Variants in AFAP1L1 observed in about 807,000 individuals in gnomAD.
AFAP1L1 encodes the protein actin filament-associated protein 1-like 1.
In AFAP1L1, 77 loss-of-function variants were observed where a neutral mutation model predicts 99.8. The observed-to-expected ratio is 0.77, with a 90% confidence interval of 0.64 to 0.93. The LOEUF is 0.93. AFAP1L1 is among the 40% of genes least tolerant of loss of function. The pLI is 0.00. For synonymous variants in AFAP1L1, 373 were observed against 395.3 expected (o/e 0.94, Z 0.67); for missense variants, 893 against 996.8 (o/e 0.90, Z 1.40).
intron 1 of AFAP1L1, among the ~76,000 whole-genome samples, chr5:149,295,919 A>G (rs1561665810): frequency 6.6e-6 from 1 of 152,216 alleles, no homozygotes; most frequent in Non-Finnish European, 1.5e-5. Flanking sequence ...GGTAACTTTG[A>G]AGGCTAGTGG....
At chr5:149,307,858 T>TCTCTCTCTCTCTA in intron 7 of AFAP1L1, among the ~76,000 whole-genome samples, 1 of 11,200 alleles carries the variant, frequency 8.9e-5, no homozygotes, top group Non-Finnish European at 2.4e-4. Flanking sequence ...CTCTCTCTCT[T>TCTCTCTCTCTCTA]AAATTTAAAG....
At position 149,322,598 on chromosome 5, in the gene AFAP1L1, C is replaced by T. The variant is rs1185332419; in HGVS notation, c.1699-8C>T. 9.0e-6 allele frequency: 14 copies of T among 1,560,306 alleles called. No homozygotes were observed. Among genetic ancestry groups the T allele is most frequent in the South Asian group, 8.3e-5 (7 of 84,724 alleles). ...TGAACTTGACTGTCTTCCTCCATCT[C>T]CCACCAGGACGAGGAGCCCGAGCGC... On this transcript the variant is annotated splice_region_variant and splice_polypyrimidine_tract_variant and intron_variant, in intron 14 of 18. Transcript: ENST00000296721.
Position 149,332,811 on chromosome 5 carries a change from C to T in AFAP1L1, c.2092C>T (p.Gln698Ter). The T allele has an allele frequency of 1.9e-6, 3 of 1,612,786 alleles. No homozygotes were observed. The highest frequency in any genetic ancestry group is 2.5e-6 in the Non-Finnish European group (3 of 1,179,868). Reference protein sequence around the residue: ...LKLVAVKERLQQSLAGGPALG... With the variant: ...LKLVAVKERL ...GCTGGTGGCTGTGAAGGAGCGCTTG[C>T]AGCAGTCCCTGGCAGGAGGGCCAGC... The change falls in exon 17 of 19, where the codon CAG (glutamine) becomes TAG (stop). Residue 698 changes from glutamine to a stop codon, truncating the protein, a stop_gained. Coordinates refer to ENST00000296721, the MANE Select transcript of AFAP1L1 (RefSeq NM_152406.4). LOFTEE classifies it high-confidence loss of function.
intron 1 of AFAP1L1, among the ~76,000 whole-genome samples, chr5:149,289,329 A>G (rs1463311754): frequency 6.6e-6 from 1 of 152,174 alleles, no homozygotes; most frequent in Non-Finnish European, 1.5e-5. Flanking sequence ...GTTTCCTGCA[A>G]TCGCTGTAAT....
Position 149,317,845 on chromosome 5 carries a change from G to T in AFAP1L1, c.1384G>T (p.Ala462Ser). The change falls in exon 12 of 19, where the codon GCC becomes TCC. Residue 462 changes from alanine (A) to serine (S), a missense_variant. Ala to Ser is a moderately conservative substitution (Grantham distance 99). Transcript: ENST00000296721. ...MDLRTHVNAI[A>S]LQGCEVAPGF... is the part of the protein sequence containing the mutation. ...CCTGCGAACCCATGTGAACGCCATC[G>T]CCCTGCAAGGCTGTGAGGTGGCCCC... 6.2e-7 allele frequency: 1 copy of T among 1,609,730 alleles called. No homozygotes were observed. The highest frequency in any genetic ancestry group is 1.1e-5 in the South Asian group (1 of 89,962).
Position 149,310,036 on chromosome 5 carries a change from C to T in AFAP1L1, c.828C>T (p.Asp276=). The stretch of plus-strand genomic sequence containing the variant: ...GCAGCATCATCTACGTGCCCAAGGA[C>T]AGCCGGCACAAGAGGCACGAGCTGC... ...DTCSIIYVPK[D]SRHKRHELRF... is the part of the protein sequence containing the mutation. The change falls in exon 8 of 19, where the codon GAC becomes GAT. Residue 276 remains aspartate, a synonymous_variant. Coordinates refer to ENST00000296721, the MANE Select transcript of AFAP1L1 (RefSeq NM_152406.4). 1.2e-6 allele frequency: 2 copies of T among 1,614,238 alleles called. No homozygotes were observed. Among genetic ancestry groups the T allele is most frequent in the Middle Eastern group, 1.6e-4 (1 of 6,062 alleles).
intron 1 of AFAP1L1, among the ~76,000 whole-genome samples, chr5:149,277,726 C>T (rs1268226004): frequency 6.6e-6 from 1 of 152,180 alleles, no homozygotes; most frequent in Non-Finnish European, 1.5e-5. Context: ...TTGACTGCAA[C>T]TTTTTGTATG....
chr5:149,288,859 G>T (rs191549274), intron 1 of AFAP1L1, among the ~76,000 whole-genome samples: 7 of 152,272 alleles, frequency 4.6e-5, no homozygotes, highest in Non-Finnish European at 7.4e-5. Context: ...ACAAGAACCT[G>T]GGCAGAGCTG....
chr5:149,317,211 G>T (rs553622534), intron 11 of AFAP1L1, among the ~76,000 whole-genome samples: 1 of 152,166 alleles, frequency 6.6e-6, no homozygotes, highest in Non-Finnish European at 1.5e-5. Context: ...GAAATATTTT[G>T]TAATTAGTGA....
At chr5:149,317,977 C>A in intron 12 of AFAP1L1, 37 bp downstream of exon 12, 2 of 1,544,986 alleles carry the variant, frequency 1.3e-6, no homozygotes, top group South Asian at 1.2e-5. Flanking sequence ...GGCTCTTGGT[C>A]TGGGGACTCT....
intron 14 of AFAP1L1, among the ~76,000 whole-genome samples, chr5:149,321,407 G>A (rs1179922709): frequency 1.3e-5 from 2 of 152,152 alleles, no homozygotes; most frequent in Non-Finnish European, 2.9e-5. Context: ...ATAACTGCAA[G>A]AATTAAATAA....
In AFAP1L1 at chr5:149,307,394, G is replaced by T. The variant is rs186395299; in HGVS notation, c.536-8G>T. On this transcript the variant is annotated splice_polypyrimidine_tract_variant and splice_region_variant and intron_variant, in intron 6 of 18. Coordinates refer to ENST00000296721, the MANE Select transcript of AFAP1L1 (RefSeq NM_152406.4). ...ACAGTGATGGATCCTTTCCCGTGACGCCTGCAGATAATGACTCTGACGCAA... is the reference window on the plus strand; with the variant it reads ...ACAGTGATGGATCCTTTCCCGTGACTCCTGCAGATAATGACTCTGACGCAA... The T allele has an allele frequency of 6.2e-7, 1 of 1,613,920 alleles. No homozygotes were observed. Among genetic ancestry groups the T allele is most frequent in the Non-Finnish European group, 8.5e-7 (1 of 1,179,900 alleles).
chr5:149,319,824 G>A, intron 13 of AFAP1L1, 97 bp downstream of exon 13: 1 of 1,510,814 alleles, frequency 6.6e-7, no homozygotes. Context: ...GGAGGGAAGG[G>A]AGGAGCTAAG....
chr5:149,315,408 T>G (rs1361280673), intron 9 of AFAP1L1, among the ~76,000 whole-genome samples: 1 of 152,196 alleles, frequency 6.6e-6, no homozygotes, highest in Non-Finnish European at 1.5e-5. Context: ...GACATTCTTT[T>G]AAGTGGCTCT....
At position 149,320,325 on chromosome 5, in the gene AFAP1L1, C is replaced by A; in HGVS notation, c.1626-66C>A. On this transcript the variant is annotated intron_variant, in intron 13 of 18. Coordinates refer to ENST00000296721, the MANE Select transcript of AFAP1L1 (RefSeq NM_152406.4). The surrounding 1 kb of genome is among the most constrained non-coding windows in gnomAD (Gnocchi z 4.0). ...GCCAGAATCAATGAGAGTGAGGACA[C>A]GAAAGCACTGTAAGCTGCAAAGCAT... 3 of 1,511,888 alleles carry A rather than the reference C, an allele frequency of 2.0e-6. No individual in the cohort carries two copies. The highest frequency in any genetic ancestry group is 2.8e-6 in the Non-Finnish European group (3 of 1,090,084). 93.7% of individuals were successfully genotyped at this position (1,511,888 alleles called of 1,614,324 possible). A position where few individuals can be genotyped will look rare whatever the true frequency, so the allele number is the denominator to read the frequency against.
At chr5:149,329,546 G>A in intron 15 of AFAP1L1, 120 bp from the exon 16 acceptor site, 1 of 1,040,500 alleles carries the variant, frequency 9.6e-7, no homozygotes, top group Admixed American at 2.9e-5. Context: ...TAAGGGACTA[G>A]GTCTAAATAT....
At chr5:149,326,574 A>T (rs1030311504) in intron 15 of AFAP1L1, among the ~76,000 whole-genome samples, 6 of 149,144 alleles carry the variant, frequency 4.0e-5, no homozygotes, top group African/African-American at 1.5e-4. Flanking sequence ...AAAGAAAAAT[A>T]TATATATATT....
At chr5:149,298,003 G>A (rs930923051) in intron 1 of AFAP1L1, among the ~76,000 whole-genome samples, 6 of 152,316 alleles carry the variant, frequency 3.9e-5, no homozygotes, top group South Asian at 2.1e-4. Flanking sequence ...ATTATCCTCC[G>A]CCTTTACAGG....
intron 15 of AFAP1L1, among the ~76,000 whole-genome samples, chr5:149,327,368 C>T (rs1757126348): frequency 6.6e-6 from 1 of 152,000 alleles, no homozygotes; most frequent in South Asian, 2.1e-4. Context: ...AAATGTATTT[C>T]TCATTGTTCT....
Sources: gnomAD v4.1 joint callset for allele counts (sites outside exome capture counted in the v4.1 genomes callset) on GRCh38, gnomAD v4.1.1 for gene constraint, Gnocchi (gnomAD v3.1) non-coding constraint, MANE v1.5 for transcripts, NCBI Gene and HGNC (gene_info 2026-07-23, HGNC 2026-07-21) for gene names.